SEL1L2: variants seen among roughly 807,000 people sequenced by gnomAD.
SEL1L2 encodes the protein protein sel-1 homolog 2.
A neutral mutation model predicts 98.8 loss-of-function variants in SEL1L2; 89 were observed. That is an observed-to-expected ratio of 0.90 (90% CI 0.76 to 1.07). The LOEUF is 1.07. Ranked by LOEUF, SEL1L2 falls within the 50% of genes least tolerant of loss-of-function variation. The probability of loss-of-function intolerance (pLI) is 0.00; values close to 1 mark genes in which losing one functional copy is unlikely to be tolerated. For synonymous variants in SEL1L2, 262 were observed against 278.5 expected (o/e 0.94, Z 0.59); for missense variants, 788 against 812.0 (o/e 0.97, Z 0.36).
At chr20:13,965,884 C>T (rs796512630) in intron 1 of SEL1L2, among the ~76,000 whole-genome samples, 77 of 146,152 alleles carry the variant, frequency 5.3e-4, no homozygotes, top group African/African-American at 1.8e-3. Flanking sequence ...ACCTGGGAGG[C>T]GGAGGTTACA....
intron 11 of SEL1L2, among the ~76,000 whole-genome samples, chr20:13,877,290 G>C (rs907522493): frequency 6.6e-6 from 1 of 152,016 alleles, no homozygotes; most frequent in Non-Finnish European, 1.5e-5. Context: ...TCTACAATGG[G>C]TTCAATGAGC....
chr20:13,992,931 A>G (rs1280883957), upstream of SEL1L2, among the ~76,000 whole-genome samples: 2 of 152,150 alleles, frequency 1.3e-5, no homozygotes, highest in African/African-American at 4.8e-5. Context: ...TTTAAACTTA[A>G]TTACTTCGTA....
rs147388246 is a variant in SEL1L2, at chr20:13,874,799, T to C, written c.1104+1239A>G. Among the ~76,000 whole-genome samples, 483 of 152,282 alleles carry C rather than the reference T, an allele frequency of 3.2e-3. 3 individuals are homozygous for C. The highest frequency in any genetic ancestry group is 0.011 in the African/African-American group (456 of 41,552). On this transcript the variant is annotated intron_variant, in intron 12 of 19. Coordinates refer to ENST00000284951, the MANE Select transcript of SEL1L2 (RefSeq NM_025229.2). ...AAGCAGTGTGTGGGTTTTTAAAAAC[T>C]GAGAACAGTTGAAATGATTCCTGGT...
At chr20:13,918,133 T>C (rs2048491606) in intron 4 of SEL1L2, among the ~76,000 whole-genome samples, 1 of 152,144 alleles carries the variant, frequency 6.6e-6, no homozygotes, top group Non-Finnish European at 1.5e-5. Context: ...ACCCTTGCTT[T>C]CTTTGCCCCC....
At chr20:13,926,823 T>C (rs537219430) in intron 3 of SEL1L2, among the ~76,000 whole-genome samples, 1 of 152,298 alleles carries the variant, frequency 6.6e-6, no homozygotes, top group African/African-American at 2.4e-5. Flanking sequence ...ATGCCAAGAC[T>C]GACTTAAGAC....
chr20:13,861,462 T>C (rs1047288359), intron 17 of SEL1L2, among the ~76,000 whole-genome samples: 12 of 151,750 alleles, frequency 7.9e-5, no homozygotes, highest in African/African-American at 2.4e-4. Flanking sequence ...TATATATGTA[T>C]AATATATGTA....
At position 13,849,461 on chromosome 20, in the gene SEL1L2, G is replaced by A. The variant is rs577050786; in HGVS notation, c.*24C>T. ...CCTTGGAGTGAACTGATTCCCGTGA[G>A]CAGGTTTTCCTGTGATCCGCATCCT... is the stretch of plus-strand genomic sequence containing the variant. On this transcript the variant is annotated 3_prime_UTR_variant, in exon 20 of 20. Transcript: ENST00000284951. The A allele has an allele frequency of 1.9e-6, 3 of 1,612,246 alleles. No homozygotes were observed. In the East Asian group the frequency reaches 6.7e-5, roughly 36 times the overall value.
Position 13,877,605 on chromosome 20 carries a change from C to T in SEL1L2, c.958-17G>A. ...TAATGCTTTCTGGAGAGAAAAGGAA[C>T]AGTGTTATTGCTAGTCACAAAATAA... is the stretch of plus-strand genomic sequence containing the variant. On this transcript the variant is annotated splice_polypyrimidine_tract_variant and intron_variant, in intron 10 of 19. Coordinates refer to ENST00000284951, the MANE Select transcript of SEL1L2 (RefSeq NM_025229.2). 1.9e-6 allele frequency: 3 copies of T among 1,601,176 alleles called. No homozygotes were observed. Among genetic ancestry groups the T allele is most frequent in the Non-Finnish European group, 2.6e-6 (3 of 1,168,962 alleles).
At chr20:13,896,749 T>A (rs1159871694) in intron 5 of SEL1L2, among the ~76,000 whole-genome samples, 2 of 152,014 alleles carry the variant, frequency 1.3e-5, no homozygotes, top group Admixed American at 1.3e-4. Context: ...ATTGCTGAAA[T>A]AAATGAAAGA....
At chr20:13,864,273 C>T (rs1174673101) in intron 17 of SEL1L2, among the ~76,000 whole-genome samples, 1 of 152,130 alleles carries the variant, frequency 6.6e-6, no homozygotes, top group South Asian at 2.1e-4. Flanking sequence ...TGAGAAAGCA[C>T]CACTGTGACT....
At chr20:13,921,417 C>T (rs1479345687) in intron 3 of SEL1L2, among the ~76,000 whole-genome samples, 3 of 152,262 alleles carry the variant, frequency 2.0e-5, no homozygotes, top group East Asian at 3.9e-4. Flanking sequence ...AGTGATCTGC[C>T]CACCTTGGCT....
intron 17 of SEL1L2, among the ~76,000 whole-genome samples, chr20:13,860,814 C>A (rs1365907797): frequency 2.6e-5 from 4 of 152,112 alleles, no homozygotes; most frequent in African/African-American, 9.7e-5. Context: ...GAGGCCCAGG[C>A]TCTTATAATT....
intron 2 of SEL1L2, among the ~76,000 whole-genome samples, chr20:13,942,673 T>C (rs6079229): frequency 0.11 from 17,437 of 152,252 alleles, 1,168 homozygotes; most frequent in Admixed American, 0.18. Context: ...AAGATATGTG[T>C]ACATATAGCA....
At chr20:13,849,729 C>T in intron 19 of SEL1L2, 125 bp from the exon 20 acceptor site, 1 of 1,160,520 alleles carries the variant, frequency 8.6e-7, no homozygotes, top group Non-Finnish European at 1.2e-6. Context: ...TTCCTTCAGT[C>T]TTGGAAGACA....
At chr20:13,935,828 A>G (rs2049425798) in intron 2 of SEL1L2, among the ~76,000 whole-genome samples, 1 of 152,286 alleles carries the variant, frequency 6.6e-6, no homozygotes, top group South Asian at 2.1e-4. Context: ...TGGGGAAAAG[A>G]GGCCAACTGA....
intron 3 of SEL1L2, among the ~76,000 whole-genome samples, chr20:13,925,422 A>G (rs2048847075): frequency 1.3e-5 from 2 of 152,208 alleles, no homozygotes; most frequent in Admixed American, 1.3e-4. Context: ...TTAAGGTTTT[A>G]CCAGGGAGAG....
At chr20:13,959,465 C>A (rs569356007) in intron 1 of SEL1L2, among the ~76,000 whole-genome samples, 1 of 152,156 alleles carries the variant, frequency 6.6e-6, no homozygotes. Context: ...AAAACTGCAA[C>A]GCCTGAGCCA....
intron 2 of SEL1L2, among the ~76,000 whole-genome samples, chr20:13,946,736 C>A (rs1296127705): frequency 6.6e-6 from 1 of 152,146 alleles, no homozygotes; most frequent in Non-Finnish European, 1.5e-5. Flanking sequence ...GGGCGAGAAA[C>A]CCTCCCATCC....
intron 18 of SEL1L2, among the ~76,000 whole-genome samples, chr20:13,856,398 G>A (rs753966705): frequency 5.9e-5 from 9 of 152,162 alleles, no homozygotes; most frequent in Non-Finnish European, 1.3e-4. Context: ...CCAGTGTGCT[G>A]GGATCACAGG....
Sources: gnomAD v4.1 joint callset for allele counts (sites outside exome capture counted in the v4.1 genomes callset) on GRCh38, gnomAD v4.1.1 for gene constraint, MANE v1.5 for transcripts, NCBI Gene and HGNC (gene_info 2026-07-23, HGNC 2026-07-21) for gene names.